NIBAN1: variants seen among roughly 807,000 people sequenced by gnomAD.
The protein encoded by NIBAN1 is protein Niban 1.
In NIBAN1, 81 loss-of-function variants were observed where a neutral mutation model predicts 75.1. The observed-to-expected ratio is 1.08, with a 90% CI of 0.90 to 1.30. The LOEUF is 1.30. NIBAN1 is among the 50% of genes most tolerant of loss of function. The pLI is 0.00. For synonymous variants in NIBAN1, 436 were observed against 424.8 expected (o/e 1.03, Z -0.32); for missense variants, 1,133 against 1,128.1 (o/e 1.00, Z -0.06).
At chr1:184,947,221 A>G (rs1427290542) in intron 1 of NIBAN1, among the ~76,000 whole-genome samples, 2 of 152,198 alleles carry the variant, frequency 1.3e-5, no homozygotes, top group East Asian at 3.8e-4. Flanking sequence ...AAGTAGACAA[A>G]TTGCATTAGT....
At chr1:184,884,930 G>A in intron 4 of NIBAN1, 130 bp from the exon 5 acceptor site, 6 of 1,166,192 alleles carry the variant, frequency 5.1e-6, no homozygotes, top group South Asian at 3.2e-5. Flanking sequence ...TATTTTCACA[G>A]GATAGGGAAA....
At chr1:184,819,623 G>A (rs1654635875) in intron 8 of NIBAN1, among the ~76,000 whole-genome samples, 1 of 152,226 alleles carries the variant, frequency 6.6e-6, no homozygotes, top group Non-Finnish European at 1.5e-5. Context: ...AGACGCAATG[G>A]AGTGAAGGAG....
intron 1 of NIBAN1, among the ~76,000 whole-genome samples, chr1:184,972,772 A>G (rs188431713): frequency 5.9e-5 from 9 of 152,372 alleles, no homozygotes; most frequent in Non-Finnish European, 1.3e-4. Context: ...TTATTATCTG[A>G]GTACAATGTT....
At chr1:184,804,229 G>A (rs1654126190) in intron 11 of NIBAN1, among the ~76,000 whole-genome samples, 1 of 152,232 alleles carries the variant, frequency 6.6e-6, no homozygotes, top group Non-Finnish European at 1.5e-5. Context: ...GGATTTAATT[G>A]TGGATCTCAC....
chr1:184,959,486 G>A (rs1198355842), intron 1 of NIBAN1, among the ~76,000 whole-genome samples: 3 of 152,096 alleles, frequency 2.0e-5, no homozygotes, highest in Non-Finnish European at 4.4e-5. Context: ...TAATTCCTGA[G>A]TCTATTTCTA....
chr1:184,867,737 A>G (rs1240259674), intron 5 of NIBAN1: 5 of 395,704 alleles, frequency 1.3e-5, no homozygotes, highest in Non-Finnish European at 1.7e-5. Context: ...ATCATCCTCA[A>G]ACTCTCCTCT....
chr1:184,970,918 T>C (rs539825135), intron 1 of NIBAN1, among the ~76,000 whole-genome samples: 1 of 152,040 alleles, frequency 6.6e-6, no homozygotes, highest in South Asian at 2.1e-4. Flanking sequence ...GAAAACACAG[T>C]GTGGGGGGTT....
At chr1:184,967,673 A>G (rs1158551395) in intron 1 of NIBAN1, among the ~76,000 whole-genome samples, 2 of 152,204 alleles carry the variant, frequency 1.3e-5, no homozygotes, top group Non-Finnish European at 2.9e-5. Context: ...TCATCCTAGT[A>G]GTTACTATTA....
At chr1:184,906,181 C>T (rs907479546) in intron 1 of NIBAN1, among the ~76,000 whole-genome samples, 13 of 151,800 alleles carry the variant, frequency 8.6e-5, no homozygotes, top group African/African-American at 2.9e-4. Flanking sequence ...TTGCTTGAGC[C>T]CAGGAATTCG....
chr1:184,921,155 G>A (rs1042149615), intron 1 of NIBAN1, among the ~76,000 whole-genome samples: 4 of 151,714 alleles, frequency 2.6e-5, no homozygotes, highest in African/African-American at 9.7e-5. Context: ...AAATTAGCCG[G>A]GCGTGGTGGC....
rs1402580938 is a variant in NIBAN1 at position 184,792,729 on chromosome 1, C to T, written c.*2248G>A. On this transcript the variant is annotated 3_prime_UTR_variant, in exon 14 of 14. Transcript: ENST00000367511. ...CAGCAGTGTTCTGGGTGTCCAGTTC[C>T]CACATTTCCCGAGCAGCCTGACGCA... 6.5e-6 allele frequency: 1 copy of T among 152,684 alleles called. No homozygotes were observed. Among genetic ancestry groups the T allele is most frequent in the Admixed American group, 6.5e-5 (1 of 15,276 alleles). The allele number at this position is 152,684 out of a possible 1,614,324, so 9.5% of individuals were successfully genotyped here. A position where few individuals can be genotyped will look rare whatever the true frequency, so the allele number is the denominator to read the frequency against.
At chr1:184,893,921 T>A (rs1656733553) in intron 3 of NIBAN1, among the ~76,000 whole-genome samples, 154 bp downstream of exon 3, 1 of 152,356 alleles carries the variant, frequency 6.6e-6, no homozygotes, top group Middle Eastern at 3.4e-3. Flanking sequence ...CCTACATGAA[T>A]GAGTGCTTAT....
At chr1:184,904,755 AG>A (rs1420658325) in intron 1 of NIBAN1, among the ~76,000 whole-genome samples, 1 of 152,176 alleles carries the variant, frequency 6.6e-6, no homozygotes, top group African/African-American at 2.4e-5. Context: ...GTTCAAGACC[AG>A]CCTGGCCAAC....
At chr1:184,941,354 A>T (rs759882132) in intron 1 of NIBAN1, among the ~76,000 whole-genome samples, 5 of 152,200 alleles carry the variant, frequency 3.3e-5, no homozygotes, top group Non-Finnish European at 5.9e-5. Flanking sequence ...ACTTTCATTT[A>T]AAGAATGTGG....
chr1:184,968,655 G>A (rs969591183), intron 1 of NIBAN1, among the ~76,000 whole-genome samples: 4 of 152,128 alleles, frequency 2.6e-5, no homozygotes, highest in Admixed American at 2.6e-4. Context: ...TCTGAAAGGG[G>A]ACCCAATAAG....
At position 184,936,276 on chromosome 1, in the gene NIBAN1, G is replaced by A. The variant is rs186374698; in HGVS notation, c.56-36967C>T. Among the ~76,000 whole-genome samples the A allele has an allele frequency of 1.9e-3, 283 of 152,208 alleles. 2 individuals carry two copies. Among genetic ancestry groups the A allele is most frequent in the Non-Finnish European group, 3.1e-4 (21 of 68,014 alleles). On this transcript the variant is annotated intron_variant, in intron 1 of 13. Transcript: ENST00000367511. ...AACAACAGGAGAACTCACAGATTCC[G>A]GGAGTGTAGTTTCAGCAGCAGACAG... is the stretch of plus-strand genomic sequence containing the variant.
chr1:184,974,257 G>A, intron 1 of NIBAN1, 45 bp downstream of exon 1: 2 of 1,479,806 alleles, frequency 1.4e-6, no homozygotes, highest in Admixed American at 2.5e-5. Context: ...CCAGCCTGGT[G>A]CACGGGTCAG....
At chr1:184,906,482 T>C (rs1421080067) in intron 1 of NIBAN1, among the ~76,000 whole-genome samples, 1 of 151,788 alleles carries the variant, frequency 6.6e-6, no homozygotes, top group Non-Finnish European at 1.5e-5. Context: ...AATACAAAAT[T>C]AGCCAGGCGT....
intron 1 of NIBAN1, among the ~76,000 whole-genome samples, chr1:184,941,783 G>A (rs234089): frequency 0.37 from 56,410 of 151,972 alleles, 10,979 homozygotes; most frequent in African/African-American, 0.47. Flanking sequence ...CTAAATGCCA[G>A]TCAGAAGTGT....
Sources: gnomAD v4.1 joint callset for allele counts (sites outside exome capture counted in the v4.1 genomes callset) on GRCh38, gnomAD v4.1.1 for gene constraint, MANE v1.5 for transcripts, NCBI Gene and HGNC (gene_info 2026-07-23, HGNC 2026-07-21) for gene names.